The following DLL1 variants were observed in gnomAD, a reference collection of about 807,000 sequenced individuals.
DLL1 encodes delta like canonical Notch ligand 1, also known as delta-like protein 1.
In DLL1, 9 loss-of-function variants were observed where a neutral mutation model predicts 75.1. The ratio of observed to expected loss-of-function variants is 0.12; its 90% CI spans 0.07 to 0.21. The LOEUF (loss-of-function observed/expected upper bound fraction) is 0.21. DLL1 is among the 10% of genes least tolerant of loss of function. The pLI is 1.00. For missense variants in DLL1, 837 were observed against 1,007.6 expected (o/e 0.83, Z 2.29); for synonymous variants, 477 against 418.3 (o/e 1.14, Z -1.71).
In DLL1 at chr6:170,290,708, T is replaced by TCGG. The variant is rs1462649702; in HGVS notation, c.-572_-570dup. 3.0e-6 allele frequency: 1 copy of TCGG among 335,716 alleles called. No individual in the cohort carries two copies. Among genetic ancestry groups the TCGG allele is most frequent in the Non-Finnish European group, 5.5e-6 (1 of 182,906 alleles). 20.8% of individuals were successfully genotyped at this position (335,716 alleles called of 1,614,324 possible). A position where few individuals can be genotyped will look rare whatever the true frequency, so the allele number is the denominator to read the frequency against. ...CCTGCGGATCGCGGCCCGGTGTCAC[T>TCGG]CGGCGGCGGCGGTCGTTCCGGGAGC... On this transcript the variant is annotated 5_prime_UTR_variant, in exon 1 of 11. Transcript: ENST00000366756. This position sits in a 1 kb window ranked among gnomAD's most constrained non-coding sequence, Gnocchi z 4.7.
rs1216164098 is a variant in DLL1, at chr6:170,282,569, C to T, written c.*305G>A. 2.0e-5 allele frequency: 11 copies of T among 554,654 alleles called. No individual in the cohort carries two copies. Among genetic ancestry groups the T allele is most frequent in the African/African-American group, 1.7e-4 (9 of 53,168 alleles). The allele number at this position is 554,654 out of a possible 1,614,324, so 34.4% of individuals were successfully genotyped here. Reference sequence around the variant, plus strand: ...CTGGCTCATAAGAATCCAAAATATACACTCAGGCAGTGCATGCTTCTTATG... The same window carrying T: ...CTGGCTCATAAGAATCCAAAATATATACTCAGGCAGTGCATGCTTCTTATG... On this transcript the variant is annotated 3_prime_UTR_variant, in exon 11 of 11. Transcript: ENST00000366756.
intron 4 of DLL1, among the ~76,000 whole-genome samples, chr6:170,287,942 G>A (rs940045134): frequency 3.0e-4 from 46 of 152,110 alleles, no homozygotes; most frequent in African/African-American, 1.1e-3. Flanking sequence ...ACACCCTGGG[G>A]GTAGCACTGG....
In DLL1 at chr6:170,285,237, T is replaced by C. The variant is rs1246878149; in HGVS notation, c.1032+17A>G. 24 of 1,614,066 alleles carry C rather than the reference T, an allele frequency of 1.5e-5. No individual in the cohort carries two copies. The East Asian group carries it at 4.9e-4, about 33-fold the overall frequency. ...ACCCCAGCTTCCGGGTGAGATGCCA[T>C]GGAGCCTCCGACTCACCGTGCAGCT... On this transcript the variant is annotated intron_variant, in intron 7 of 10. Transcript: ENST00000366756.
rs529134000 is a variant in DLL1 at position 170,283,869 on chromosome 6, C to A, written c.1410G>T (p.Pro470=). 1.2e-6 allele frequency: 2 copies of A among 1,605,964 alleles called. No homozygotes were observed. The highest frequency in any genetic ancestry group is 2.2e-5 in the East Asian group (1 of 44,788). ...DGVNDFSCTC[P]PGYTGRNCSA... Reference sequence around the variant, plus strand: ...TGCAGTTCCTGCCCGTGTAGCCAGGCGGGCAGGTGCAGGAGAAGTCGTTCA... The same window carrying A: ...TGCAGTTCCTGCCCGTGTAGCCAGGAGGGCAGGTGCAGGAGAAGTCGTTCA... Residue 470 remains proline (P), a synonymous_variant, in exon 9 of 11, where the codon CCG becomes CCT. Transcript: ENST00000366756.
chr6:170,283,894 A>C lies in DLL1; in HGVS notation c.1385T>G (p.Val462Gly). 6.2e-7 allele frequency: 1 copy of C among 1,606,360 alleles called. No homozygotes were observed. The highest frequency in any genetic ancestry group is 2.2e-5 in the East Asian group (1 of 44,798). Residue 462 changes from valine (V) to glycine (G), a missense_variant, in exon 9 of 11, where the codon GTG (valine) becomes GGG (glycine). Transcript: ENST00000366756. ...CGGGCAGGTGCAGGAGAAGTCGTTC[A>C]CGCCATCCCGGCAGGTGCCCCCGTT... ...CANGGTCRDG[V>G]NDFSCTCPPG...
intron 8 of DLL1, among the ~76,000 whole-genome samples, chr6:170,284,635 C>T (rs769850155): frequency 3.3e-5 from 5 of 152,188 alleles, no homozygotes; most frequent in Non-Finnish European, 7.3e-5. Context: ...GCATCACTTA[C>T]TGAACCTCAG....
chr6:170,289,574 C>G lies in DLL1; in HGVS notation c.289G>C (p.Gly97Arg). The G allele has an allele frequency of 6.5e-7, 1 of 1,535,260 alleles. No homozygotes were observed. Among genetic ancestry groups the G allele is most frequent in the Non-Finnish European group, 8.7e-7 (1 of 1,146,420 alleles). ...CTGAACGCGGAGTCGGCGCCCCCGC[C>G]GTCGGGCAGACTGAAGGAGTCGACG... is the stretch of plus-strand genomic sequence containing the variant. ...LGVDSFSLPD[G>R]GGADSAFSNP... is the part of the protein sequence containing the mutation. The change falls in exon 2 of 11, where the codon GGC becomes CGC. Residue 97 changes from glycine (G) to arginine (R), a missense_variant. Gly to Arg is a moderately radical substitution (Grantham distance 125). Around this residue, in one of 2 missense-constraint regions of DLL1, gnomAD observed 304 missense variants for 461.9 expected, o/e 0.66. Transcript: ENST00000366756.
rs1292337769 is a variant in DLL1 at position 170,291,018 on chromosome 6, A to AGCT, written c.-882_-880dup. ...ATCAGCAGCCCCCCAATCTGGCGAG[A>AGCT]GCTGTCACAAAGGAGCCACTTTTCC... is the stretch of plus-strand genomic sequence containing the variant. On this transcript the variant is annotated 5_prime_UTR_variant, in exon 1 of 11. Coordinates refer to ENST00000366756, the MANE Select transcript of DLL1 (RefSeq NM_005618.4). 2.8e-6 allele frequency: 2 copies of AGCT among 701,770 alleles called. No homozygotes were observed. Among genetic ancestry groups the AGCT allele is most frequent in the Middle Eastern group, 2.3e-4 (1 of 4,352 alleles). 43.5% of individuals were successfully genotyped at this position (701,770 alleles called of 1,614,324 possible). A position where few individuals can be genotyped will look rare whatever the true frequency, so the allele number is the denominator to read the frequency against.
In DLL1 at chr6:170,283,413, G is replaced by A. The variant is rs142937538; in HGVS notation, c.1866C>T (p.His622=). The change falls in exon 9 of 11, where the codon CAC becomes CAT. Residue 622 remains histidine (H), a synonymous_variant. Transcript: ENST00000366756. ...IKNTNKKADF[H]GDHSADKNGF... ...CATTCTTGTCGGCGCTGTGGTCCCC[G>A]TGGAAGTCCGCCTTCTTGTTGGTGT... The A allele has an allele frequency of 9.1e-5, 146 of 1,611,100 alleles. No homozygotes were observed. Among genetic ancestry groups the A allele is most frequent in the Middle Eastern group, 3.3e-4 (2 of 6,062 alleles).
In DLL1 at chr6:170,286,278, C is replaced by T; in HGVS notation, c.691G>A (p.Asp231Asn). 6.2e-7 allele frequency: 1 copy of T among 1,614,244 alleles called. No homozygotes were observed. The highest frequency in any genetic ancestry group is 1.7e-5 in the Admixed American group (1 of 60,032). Residue 231 changes from aspartate to asparagine, a missense_variant, in exon 5 of 11, where the codon GAT becomes AAT. By Grantham distance (23) the Asp-to-Asn change is conservative. This residue lies in a region of DLL1 where 304 missense variants were observed against 461.9 expected (regional missense o/e 0.66). Transcript: ENST00000366756. ...TTGTCACAAAATCCATGCTGCTCAT[C>T]ACATCCAGGCAGGCAGATCGCTACA... The part of the protein sequence containing the change: ...CTEPICLPGC[D>N]EQHGFCDKPG...
Position 170,290,931 on chromosome 6 carries a change from C to T in DLL1, c.-792G>A. ...CCGCGGGTGCGCGCAGAGGATCTGGCTCTCGCCGGCGCCTGCCGCCCTTAT... is the reference window on the plus strand; with the variant it reads ...CCGCGGGTGCGCGCAGAGGATCTGGTTCTCGCCGGCGCCTGCCGCCCTTAT... On this transcript the variant is annotated 5_prime_UTR_variant, in exon 1 of 11. Transcript: ENST00000366756. The surrounding 1 kb of genome is among the most constrained non-coding windows in gnomAD (Gnocchi z 4.7). 2 of 697,928 alleles carry T rather than the reference C, an allele frequency of 2.9e-6. No individual in the cohort carries two copies. Among genetic ancestry groups the T allele is most frequent in the East Asian group, 5.4e-5 (2 of 37,018 alleles). 43.2% of individuals were successfully genotyped at this position (697,928 alleles called of 1,614,324 possible).
intron 4 of DLL1, 125 bp downstream of exon 4, chr6:170,288,114 G>A (rs954547150): frequency 3.4e-5 from 49 of 1,435,144 alleles, no homozygotes; most frequent in African/African-American, 4.2e-5. Context: ...CTGTCCTCTG[G>A]GCCTCAGTTT....
chr6:170,288,297 A>G lies in DLL1; in HGVS notation c.612T>C (p.Cys204=), dbSNP rs760423142. The G allele has an allele frequency of 1.2e-6, 2 of 1,613,888 alleles. No homozygotes were observed. The highest frequency in any genetic ancestry group is 2.2e-5 in the South Asian group (2 of 91,086). The part of the protein sequence containing the change: ...PRDDAFGHFT[C]GERGEKVCNP... Reference sequence around the variant, plus strand: ...TGCACACTTTCTCCCCACGCTCCCCACAGGTGAAGTGGCCGAAGGCATCGT... The same window carrying G: ...TGCACACTTTCTCCCCACGCTCCCCGCAGGTGAAGTGGCCGAAGGCATCGT... Residue 204 remains cysteine, a synonymous_variant, in exon 4 of 11, where the codon TGT becomes TGC. Transcript: ENST00000366756.
At position 170,284,803 on chromosome 6, in the gene DLL1, G is replaced by A. The variant is rs573818440; in HGVS notation, c.1249+116C>T. On this transcript the variant is annotated intron_variant, in intron 8 of 10. Coordinates refer to ENST00000366756, the MANE Select transcript of DLL1 (RefSeq NM_005618.4). ...AGAGTTTCCATCGAGAATTCCTGGCGGTCTGGATAAAAGTGATTCATAAAC... is the reference window on the plus strand; with the variant it reads ...AGAGTTTCCATCGAGAATTCCTGGCAGTCTGGATAAAAGTGATTCATAAAC... 1.3e-4 allele frequency: 138 copies of A among 1,065,546 alleles called. No homozygotes were observed. The African/African-American group carries it at 1.7e-3, about 13-fold the overall frequency. 66.0% of individuals were successfully genotyped at this position (1,065,546 alleles called of 1,614,324 possible).
intron 4 of DLL1, among the ~76,000 whole-genome samples, chr6:170,286,581 C>G (rs775089106): frequency 2.0e-5 from 3 of 147,222 alleles, no homozygotes; most frequent in Non-Finnish European, 4.5e-5. Flanking sequence ...GGTCAGAAGT[C>G]TTCCCCCTCC....
Position 170,290,781 on chromosome 6 carries a change from C to T in DLL1, c.-642G>A. ...GTCACAGCAAAGATCCGCGTCTTTCCGATGAATCCAGCCAATGCCATCCAG... is the reference window on the plus strand; with the variant it reads ...GTCACAGCAAAGATCCGCGTCTTTCTGATGAATCCAGCCAATGCCATCCAG... On this transcript the variant is annotated 5_prime_UTR_variant, in exon 1 of 11. Transcript: ENST00000366756. The surrounding 1 kb of genome is among the most constrained non-coding windows in gnomAD (Gnocchi z 4.7). 3 of 532,020 alleles carry T rather than the reference C, an allele frequency of 5.6e-6. No individual in the cohort carries two copies. In the East Asian group the frequency reaches 1.1e-4, roughly 19 times the overall value. The allele number at this position is 532,020 out of a possible 1,614,324, so 33.0% of individuals were successfully genotyped here.
chr6:170,289,135 G>A lies in DLL1; in HGVS notation c.352-346C>T, dbSNP rs1445021245. 3 of 593,226 alleles carry A rather than the reference G, an allele frequency of 5.1e-6. No individual in the cohort carries two copies. In the South Asian group the frequency reaches 5.6e-5, roughly 11 times the overall value. 36.7% of individuals were successfully genotyped at this position (593,226 alleles called of 1,614,324 possible). A position where few individuals can be genotyped will look rare whatever the true frequency, so the allele number is the denominator to read the frequency against. On this transcript the variant is annotated intron_variant, in intron 2 of 10. Coordinates refer to ENST00000366756, the MANE Select transcript of DLL1 (RefSeq NM_005618.4). ...TTCTTGGGGGATGGGCACGCTCCGG[G>A]TGGTAGCGGTCGCGCTGCGCGGGTA...
intron 4 of DLL1, among the ~76,000 whole-genome samples, chr6:170,287,741 G>A (rs996857483): frequency 6.6e-6 from 1 of 152,232 alleles, no homozygotes; most frequent in African/African-American, 2.4e-5. Context: ...CATAGACAGT[G>A]CGTGTCACAG....
rs759106705 is a variant in DLL1 at position 170,283,547 on chromosome 6, G to T, written c.1732C>A (p.Pro578Thr). Residue 578 changes from proline to threonine, a missense_variant, in exon 9 of 11, where the codon CCC becomes ACC. Around this residue, in one of 2 missense-constraint regions of DLL1, gnomAD observed 533 missense variants for 545.7 expected, o/e 0.98. Coordinates refer to ENST00000366756, the MANE Select transcript of DLL1 (RefSeq NM_005618.4). ...CVRLRLQKHR[P>T]PADPCRGETE... ...TCCCCCCGGCAGGGGTCGGCTGGGGGCCGGTGCTTCTGCAGCCTCAGCCGG... is the reference window on the plus strand; with the variant it reads ...TCCCCCCGGCAGGGGTCGGCTGGGGTCCGGTGCTTCTGCAGCCTCAGCCGG... The T allele has an allele frequency of 3.1e-6, 5 of 1,613,688 alleles. No individual in the cohort carries two copies. Among genetic ancestry groups the T allele is most frequent in the Non-Finnish European group, 4.2e-6 (5 of 1,180,026 alleles).
Sources: gnomAD v4.1 joint callset for allele counts (sites outside exome capture counted in the v4.1 genomes callset) on GRCh38, gnomAD v4.1.1 for gene constraint, gnomAD v4.1.1 regional missense constraint, Gnocchi (gnomAD v3.1) non-coding constraint, MANE v1.5 for transcripts, NCBI Gene and HGNC (gene_info 2026-07-23, HGNC 2026-07-21) for gene names.